Variants in OCIAD1 observed in about 807,000 individuals in gnomAD.
OCIAD1 encodes OCIA domain containing 1.
A neutral mutation model predicts 38.9 loss-of-function variants in OCIAD1; 29 were observed. The observed-to-expected ratio is 0.74, with a 90% confidence interval of 0.55 to 1.02. The LOEUF is 1.02. Ranked by LOEUF, OCIAD1 falls within the 50% of genes least tolerant of loss-of-function variation. The pLI is 0.00. For missense variants in OCIAD1, 288 were observed against 289.6 expected, an observed-to-expected ratio of 0.99 and a Z score of 0.04; for synonymous variants, 110 against 92.0, an observed-to-expected ratio of 1.20 and a Z score of -1.12.
chr4:48,832,911 C>G lies in OCIAD1; in HGVS notation c.58+229C>G, dbSNP rs1451145093. 12 of 530,052 alleles carry G rather than the reference C, an allele frequency of 2.3e-5. No individual in the cohort carries two copies. In the Middle Eastern group the frequency reaches 1.4e-3, roughly 62 times the overall value. 32.8% of individuals were successfully genotyped at this position (530,052 alleles called of 1,614,324 possible). On this transcript the variant is annotated intron_variant, in intron 2 of 8. Transcript: ENST00000264312. Reference sequence around the variant, plus strand: ...CAGCACATTAGGTAGCCAGTCCTGACTAGCAGATAGTAGCATTAATTCTAT... The same window carrying G: ...CAGCACATTAGGTAGCCAGTCCTGAGTAGCAGATAGTAGCATTAATTCTAT...
chr4:48,828,683 C>T (rs758626981), upstream of OCIAD1, among the ~76,000 whole-genome samples: 6 of 152,020 alleles, frequency 3.9e-5, no homozygotes, highest in African/African-American at 9.7e-5. Flanking sequence ...ACACTCACTG[C>T]GAAGGTCTGC....
At chr4:48,843,805 AT>A (rs2109558272) in intron 4 of OCIAD1, among the ~76,000 whole-genome samples, 1 of 152,294 alleles carries the variant, frequency 6.6e-6, no homozygotes, top group South Asian at 2.1e-4. Context: ...AGTGTTTATT[AT>A]TGTTCTGCTT....
chr4:48,814,240 T>C (rs200055810), intron 1 of OCIAD1, among the ~76,000 whole-genome samples: 1 of 132,112 alleles, frequency 7.6e-6, no homozygotes, highest in Non-Finnish European at 1.6e-5. Context: ...TGTGGAGGGG[T>C]TTTTTTTTTT....
At chr4:48,844,989 C>T (rs1176226882) in intron 4 of OCIAD1, among the ~76,000 whole-genome samples, 7 of 151,880 alleles carry the variant, frequency 4.6e-5, no homozygotes, top group Admixed American at 2.0e-4. Flanking sequence ...ATTTTCTATC[C>T]GCAGTTGGTT....
At chr4:48,846,500 G>A (rs1326979427) in intron 4 of OCIAD1, among the ~76,000 whole-genome samples, 1 of 152,144 alleles carries the variant, frequency 6.6e-6, no homozygotes, top group African/African-American at 2.4e-5. Flanking sequence ...GGTAATCCCA[G>A]CACTTTGGGA....
chr4:48,841,634 A>G (rs1778539934), intron 3 of OCIAD1, among the ~76,000 whole-genome samples: 1 of 152,220 alleles, frequency 6.6e-6, no homozygotes, highest in Non-Finnish European at 1.5e-5. Flanking sequence ...CAGTTTGGGC[A>G]CAGTGAGCCA....
intron 1 of OCIAD1, among the ~76,000 whole-genome samples, chr4:48,805,487 G>A (rs751388722): frequency 3.9e-5 from 6 of 152,152 alleles, no homozygotes; most frequent in Admixed American, 1.3e-4. Flanking sequence ...TATACAGATG[G>A]TAAGCAATTT....
At chr4:48,808,628 A>G (rs1240762985) in intron 1 of OCIAD1, among the ~76,000 whole-genome samples, 1 of 152,192 alleles carries the variant, frequency 6.6e-6, no homozygotes, top group East Asian at 1.9e-4. Flanking sequence ...ACATGAAAAC[A>G]TAGTGTTCCT....
At chr4:48,815,051 C>T (rs1367350687) in intron 1 of OCIAD1, among the ~76,000 whole-genome samples, 4 of 152,206 alleles carry the variant, frequency 2.6e-5, no homozygotes, top group South Asian at 2.1e-4. Flanking sequence ...CAGTGGCTCA[C>T]GCCTGTAATC....
At position 48,838,679 on chromosome 4, in the gene OCIAD1, T is replaced by A. The variant is rs568815691; in HGVS notation, c.140-3957T>A. On this transcript the variant is annotated intron_variant, in intron 3 of 8. Transcript: ENST00000264312. ...ATGGCATCTGTTACTTTGGAGAGTA[T>A]CACCTTGGATTAGAAAAAGGTGATA... Among the ~76,000 whole-genome samples the A allele has an allele frequency of 1.6e-4, 24 of 152,354 alleles. 1 individual carries two copies. In the South Asian group the frequency reaches 3.5e-3, roughly 22 times the overall value.
chr4:48,853,419 A>G (rs1473558234), intron 7 of OCIAD1, among the ~76,000 whole-genome samples: 2 of 152,204 alleles, frequency 1.3e-5, no homozygotes, highest in Non-Finnish European at 1.5e-5. Flanking sequence ...GTATTTTTCT[A>G]AAACCTCAGA....
At chr4:48,858,797 T>C (rs1461612615) in intron 8 of OCIAD1, among the ~76,000 whole-genome samples, 2 of 152,228 alleles carry the variant, frequency 1.3e-5, no homozygotes, top group African/African-American at 4.8e-5. Context: ...TATGCCAGCT[T>C]CTAAGGCATT....
At chr4:48,859,164 G>C (rs998275908) in intron 8 of OCIAD1, among the ~76,000 whole-genome samples, 2 of 152,002 alleles carry the variant, frequency 1.3e-5, no homozygotes, top group Non-Finnish European at 2.9e-5. Context: ...CGGTTGCTTC[G>C]TTTGGAGTTC....
At chr4:48,828,252 A>G (rs1158264116), upstream of OCIAD1, among the ~76,000 whole-genome samples, 14 of 150,526 alleles carry the variant, frequency 9.3e-5, no homozygotes, top group Non-Finnish European at 1.6e-4. Flanking sequence ...AAAGGATTGT[A>G]AATGCACCAA....
At chr4:48,848,359 G>A in intron 4 of OCIAD1, 40 bp from the exon 5 acceptor site, 1 of 981,080 alleles carries the variant, frequency 1.0e-6, no homozygotes, top group Non-Finnish European at 1.6e-6. Context: ...TTTTCTTTCT[G>A]TAACAGTGTT....
intron 3 of OCIAD1, among the ~76,000 whole-genome samples, chr4:48,840,200 A>G (rs547625316): frequency 1.3e-5 from 2 of 152,322 alleles, no homozygotes; most frequent in African/African-American, 2.4e-5. Flanking sequence ...CGAACAGACT[A>G]TTACTCTGCA....
chr4:48,821,673 G>T (rs1351518317), intron 1 of OCIAD1, among the ~76,000 whole-genome samples: 1 of 152,158 alleles, frequency 6.6e-6, no homozygotes, highest in East Asian at 1.9e-4. Context: ...AAATTCTTAA[G>T]CTGATAAGCA....
intron 3 of OCIAD1, among the ~76,000 whole-genome samples, chr4:48,834,506 A>C (rs1014744847): frequency 1.3e-5 from 2 of 152,106 alleles, no homozygotes; most frequent in Non-Finnish European, 2.9e-5. Context: ...ACGGTGCCTC[A>C]TGGCTATAAT....
intron 1 of OCIAD1, among the ~76,000 whole-genome samples, chr4:48,814,379 G>A (rs1374831532): frequency 2.0e-5 from 3 of 148,686 alleles, no homozygotes; most frequent in African/African-American, 5.0e-5. Flanking sequence ...TCACCTAGAC[G>A]TGGAAAAAAC....
Sources: gnomAD v4.1 joint callset for allele counts (sites outside exome capture counted in the v4.1 genomes callset) on GRCh38, gnomAD v4.1.1 for gene constraint, MANE v1.5 for transcripts, NCBI Gene and HGNC (gene_info 2026-07-23, HGNC 2026-07-21) for gene names.